The following MGAT4C variants were observed in gnomAD, a reference collection of about 807,000 sequenced individuals.
MGAT4C encodes the protein MGAT4 family member C.
A neutral mutation model predicts 40.1 loss-of-function variants in MGAT4C; 19 were observed. The observed-to-expected ratio is 0.47, with a 90% confidence interval of 0.33 to 0.70. The LOEUF (loss-of-function observed/expected upper bound fraction) is 0.70, where lower values mean the gene tolerates loss of function less well. Among genes scored for constraint, MGAT4C ranks in the 30% least tolerant of loss-of-function variants. The probability of loss-of-function intolerance (pLI) is 0.02; values close to 1 mark genes in which losing one functional copy is unlikely to be tolerated. For missense variants in MGAT4C, 491 were observed against 563.2 expected (o/e 0.87, Z 1.30); for synonymous variants, 181 against 187.1 (o/e 0.97, Z 0.27).
chr12:86,296,637 C>T (rs1050181416), intron 4 of MGAT4C, among the ~76,000 whole-genome samples: 8 of 152,214 alleles, frequency 5.3e-5, no homozygotes, highest in East Asian at 1.9e-4. Context: ...TCCGCAGCCG[C>T]TGGCCCGGGT....
rs1169898496 is a variant in MGAT4C, at chr12:85,978,312, T to C, written c.*977A>G. On this transcript the variant is annotated 3_prime_UTR_variant, in exon 5 of 5. Coordinates refer to ENST00000611864, the MANE Select transcript of MGAT4C (RefSeq NM_001351288.2). ...TTCTGGCCTTGCTAGGAAATAGATC[T>C]TTGATTCTAGAAAAGTCAACTAATT... 1 of 151,618 alleles carries C rather than the reference T, an allele frequency of 6.6e-6. No homozygotes were observed. The highest frequency in any genetic ancestry group is 6.6e-5 in the Admixed American group (1 of 15,166). 9.4% of individuals were successfully genotyped at this position (151,618 alleles called of 1,614,324 possible). A position where few individuals can be genotyped will look rare whatever the true frequency, so the allele number is the denominator to read the frequency against.
intron 1 of MGAT4C, among the ~76,000 whole-genome samples, chr12:86,176,784 CT>C (rs1218049131): frequency 1.4e-5 from 2 of 146,830 alleles, no homozygotes; most frequent in East Asian, 4.0e-4. Flanking sequence ...CTATATAATC[CT>C]TTTTTAGGGT....
At chr12:86,113,818 G>A (rs541590331) in intron 1 of MGAT4C, among the ~76,000 whole-genome samples, 3 of 152,000 alleles carry the variant, frequency 2.0e-5, no homozygotes, top group South Asian at 2.1e-4. Context: ...ATGCAGGTTA[G>A]TTCAGTTAAT....
At chr12:86,489,577 T>C (rs567464622) in intron 2 of MGAT4C, among the ~76,000 whole-genome samples, 17 of 152,310 alleles carry the variant, frequency 1.1e-4, no homozygotes, top group South Asian at 4.1e-4. Flanking sequence ...CTCTGGGGCA[T>C]TGGGATCACA....
chr12:86,069,564 G>T (rs981285730), intron 1 of MGAT4C, among the ~76,000 whole-genome samples: 4 of 150,658 alleles, frequency 2.7e-5, no homozygotes, highest in African/African-American at 9.8e-5. Context: ...GTAAGAAAAT[G>T]AATCTACACA....
intron 3 of MGAT4C, among the ~76,000 whole-genome samples, chr12:86,402,254 G>C (rs1044212165): frequency 1.3e-5 from 2 of 151,828 alleles, no homozygotes; most frequent in Non-Finnish European, 2.9e-5. Context: ...AGACCACTCC[G>C]TCTCTACTAA....
Position 86,085,877 on chromosome 12 carries a change from A to G in MGAT4C, c.-56-36154T>C, listed in dbSNP as rs571228707. Among the ~76,000 whole-genome samples, 60 of 152,300 alleles carry G rather than the reference A, an allele frequency of 3.9e-4. 1 individual carries two copies. The South Asian group carries it at 0.011, about 27-fold the overall frequency. On this transcript the variant is annotated intron_variant, in intron 1 of 4. Coordinates refer to ENST00000611864, the MANE Select transcript of MGAT4C (RefSeq NM_001351288.2). ...GACAGTTAGAATGATGATCATTAAA[A>G]AGTCAGGAAACAACAGATGCTGGAG...
At chr12:86,231,246 T>G (rs1014822255) in intron 1 of MGAT4C, among the ~76,000 whole-genome samples, 6 of 152,166 alleles carry the variant, frequency 3.9e-5, no homozygotes, top group East Asian at 1.9e-4. Flanking sequence ...AAAGAGAACT[T>G]TTCTGGAGCA....
At chr12:86,330,668 G>T (rs1954642959) in intron 4 of MGAT4C, among the ~76,000 whole-genome samples, 1 of 151,956 alleles carries the variant, frequency 6.6e-6, no homozygotes, top group African/African-American at 2.4e-5. Flanking sequence ...GAATTATCTG[G>T]TTTTCATTAT....
chr12:86,448,263 G>A (rs1287900258), intron 2 of MGAT4C, among the ~76,000 whole-genome samples: 1 of 152,082 alleles, frequency 6.6e-6, no homozygotes, highest in Non-Finnish European at 1.5e-5. Context: ...TTCCTTCTCA[G>A]CACTTGCCTG....
At chr12:86,802,779 G>A (rs1483831098) in intron 1 of MGAT4C, among the ~76,000 whole-genome samples, 1 of 145,508 alleles carries the variant, frequency 6.9e-6, no homozygotes, top group African/African-American at 2.6e-5. Flanking sequence ...ACAAACAAAT[G>A]GAAGAACATT....
At chr12:86,447,084 A>C (rs1319950344) in intron 2 of MGAT4C, among the ~76,000 whole-genome samples, 1 of 152,020 alleles carries the variant, frequency 6.6e-6, no homozygotes, top group Non-Finnish European at 1.5e-5. Context: ...GTCCTAAATG[A>C]GTGTCCTTTT....
intron 1 of MGAT4C, among the ~76,000 whole-genome samples, chr12:86,058,537 C>T (rs1199757164): frequency 6.6e-6 from 1 of 152,094 alleles, no homozygotes; most frequent in Non-Finnish European, 1.5e-5. Flanking sequence ...TTGTCATCGA[C>T]TCATACAATA....
intron 2 of MGAT4C, among the ~76,000 whole-genome samples, chr12:86,508,392 C>T (rs1958510280): frequency 1.3e-5 from 2 of 152,190 alleles, no homozygotes; most frequent in South Asian, 2.1e-4. Context: ...ATGAACTCAA[C>T]ATTTTTTATG....
At chr12:86,193,877 C>T (rs947526070) in intron 1 of MGAT4C, among the ~76,000 whole-genome samples, 7 of 152,104 alleles carry the variant, frequency 4.6e-5, no homozygotes, top group African/African-American at 1.7e-4. Flanking sequence ...TTTCTTGTCT[C>T]ATTATTTTGG....
chr12:86,094,689 T>C (rs1165431861), intron 1 of MGAT4C, among the ~76,000 whole-genome samples: 4 of 152,166 alleles, frequency 2.6e-5, no homozygotes, highest in Non-Finnish European at 5.9e-5. Flanking sequence ...GTATCTGTCT[T>C]CTTTTCTTTC....
At chr12:86,210,613 A>G (rs1950425081) in intron 1 of MGAT4C, among the ~76,000 whole-genome samples, 1 of 152,210 alleles carries the variant, frequency 6.6e-6, no homozygotes, top group African/African-American at 2.4e-5. Context: ...AAGAGTTTCA[A>G]TATTTAAAAA....
intron 1 of MGAT4C, among the ~76,000 whole-genome samples, chr12:86,105,139 C>T (rs550201997): frequency 6.6e-6 from 1 of 152,038 alleles, no homozygotes; most frequent in Non-Finnish European, 1.5e-5. Flanking sequence ...ATTACATCAT[C>T]CACATTTTTT....
Position 86,508,383 on chromosome 12 carries a change from T to C in MGAT4C, c.-228-73118A>G, listed in dbSNP as rs192227668. ...TTCATCCATGTCCCTACAAAGGACA[T>C]GAACTCAACATTTTTTATGGTTGCA... On this transcript the variant is annotated intron_variant, in intron 2 of 7. Coordinates refer to the MGAT4C transcript ENST00000548651. Among the ~76,000 whole-genome samples, 898 of 152,326 alleles carry C rather than the reference T, an allele frequency of 5.9e-3. 4 individuals carry two copies. The highest frequency in any genetic ancestry group is 8.5e-3 in the Non-Finnish European group (581 of 68,044).
Sources: allele counts gnomAD v4.1 joint callset (sites outside exome capture counted in the v4.1 genomes callset), GRCh38; gene constraint gnomAD v4.1.1; transcripts MANE v1.5; gene names NCBI Gene and HGNC (gene_info 2026-07-23, HGNC 2026-07-21).